The following DLGAP1 variants were observed in gnomAD, a reference collection of about 807,000 sequenced individuals.
The protein encoded by DLGAP1 is disks large-associated protein 1.
DLGAP1 carries 11 observed loss-of-function variants against 90.8 expected under a neutral mutation model. The ratio of observed to expected loss-of-function variants is 0.12; its 90% CI spans 0.08 to 0.20. DLGAP1 has a LOEUF of 0.20. Among genes scored for constraint, DLGAP1 ranks in the 10% least tolerant of loss-of-function variants. The pLI, the probability that DLGAP1 is intolerant of heterozygous loss-of-function variation, is 1.00. For synonymous variants in DLGAP1, 558 were observed against 540.7 expected (o/e 1.03, Z -0.44); for missense variants, 1,050 against 1,333.8 (o/e 0.79, Z 3.31).
chr18:4,315,933 T>C (rs2080514468), intron 1 of DLGAP1, among the ~76,000 whole-genome samples: 2 of 152,212 alleles, frequency 1.3e-5, no homozygotes, highest in African/African-American at 4.8e-5. Context: ...AAGGAGTTCA[T>C]AGGACGGTTG....
At chr18:4,364,025 G>T (rs1348955248) in intron 1 of DLGAP1, among the ~76,000 whole-genome samples, 1 of 151,792 alleles carries the variant, frequency 6.6e-6, no homozygotes, top group South Asian at 2.1e-4. Context: ...AACAATGATA[G>T]ACTGGATTAA....
chr18:4,235,488 T>A (rs1235577219), intron 1 of DLGAP1, among the ~76,000 whole-genome samples: 1 of 152,070 alleles, frequency 6.6e-6, no homozygotes, highest in Non-Finnish European at 1.5e-5. Context: ...TCCATGAAAT[T>A]ATCTAAGCTT....
At chr18:4,323,240 T>G (rs2080739643) in intron 1 of DLGAP1, among the ~76,000 whole-genome samples, 1 of 152,142 alleles carries the variant, frequency 6.6e-6, no homozygotes, top group African/African-American at 2.4e-5. Flanking sequence ...TACAGTGAGA[T>G]ATCACCTTAT....
intron 8 of DLGAP1, among the ~76,000 whole-genome samples, chr18:3,570,793 A>C (rs79054806): frequency 0.011 from 1,735 of 151,954 alleles, 28 homozygotes; most frequent in African/African-American, 0.04. Context: ...ATAGCTGGGC[A>C]TAGTGGCATG....
chr18:4,304,822 T>C (rs2080209922), intron 1 of DLGAP1, among the ~76,000 whole-genome samples: 1 of 152,026 alleles, frequency 6.6e-6, no homozygotes, highest in African/African-American at 2.4e-5. Flanking sequence ...TCCCAGCTAC[T>C]TGGGAGGCTG....
At chr18:3,700,158 C>T (rs1159897304) in intron 7 of DLGAP1, among the ~76,000 whole-genome samples, 1 of 152,170 alleles carries the variant, frequency 6.6e-6, no homozygotes, top group Non-Finnish European at 1.5e-5. Flanking sequence ...GTGTTCCAGG[C>T]ACCACTGGGG....
intron 9 of DLGAP1, among the ~76,000 whole-genome samples, chr18:3,550,733 C>A (rs1003679487): frequency 8.0e-6 from 1 of 124,242 alleles, no homozygotes; most frequent in South Asian, 2.7e-4. Flanking sequence ...AGAACCAGAC[C>A]CTTTTTTTTT....
intron 7 of DLGAP1, among the ~76,000 whole-genome samples, chr18:3,724,028 G>A (rs1184009670): frequency 6.6e-6 from 1 of 152,152 alleles, no homozygotes; most frequent in Non-Finnish European, 1.5e-5. Context: ...CCTCTAATAA[G>A]AGAATTAGAG....
At chr18:4,404,588 T>C (rs1374291044) in intron 1 of DLGAP1, among the ~76,000 whole-genome samples, 1 of 152,214 alleles carries the variant, frequency 6.6e-6, no homozygotes, top group African/African-American at 2.4e-5. Context: ...TACTGGGAAA[T>C]AGCTTTGAGG....
intron 1 of DLGAP1, among the ~76,000 whole-genome samples, chr18:4,287,792 T>C (rs752444209): frequency 6.6e-5 from 10 of 151,948 alleles, no homozygotes; most frequent in Non-Finnish European, 1.3e-4. Context: ...ATGGCACATG[T>C]ATACCTATGT....
chr18:3,989,515 T>C (rs1028773357), intron 3 of DLGAP1, among the ~76,000 whole-genome samples: 1 of 152,232 alleles, frequency 6.6e-6, no homozygotes, highest in Non-Finnish European at 1.5e-5. Flanking sequence ...AAACAGGATG[T>C]GTAGCTTGAA....
At chr18:3,516,290 G>A (rs2050842850) in intron 10 of DLGAP1, among the ~76,000 whole-genome samples, 1 of 151,568 alleles carries the variant, frequency 6.6e-6, no homozygotes, top group Admixed American at 6.6e-5. Flanking sequence ...ATGGGGTACA[G>A]GAGATGTTTT....
chr18:3,605,935 A>G (rs566890914), intron 7 of DLGAP1, among the ~76,000 whole-genome samples: 1 of 152,338 alleles, frequency 6.6e-6, no homozygotes, highest in South Asian at 2.1e-4. Flanking sequence ...AGAATTCATG[A>G]AGAAATAGGA....
intron 7 of DLGAP1, among the ~76,000 whole-genome samples, chr18:3,643,117 GGAA>G (rs1567886312): frequency 3.3e-5 from 5 of 152,172 alleles, no homozygotes; most frequent in African/African-American, 1.2e-4. Context: ...TAGCAAAGAA[GGAA>G]GAAGATTTTA....
At chr18:4,230,374 T>G (rs1607968) in intron 1 of DLGAP1, among the ~76,000 whole-genome samples, 5,503 of 152,064 alleles carry the variant, frequency 0.036, 321 homozygotes, top group African/African-American at 0.12. Context: ...AATAGACAAA[T>G]TTTGGAAACA....
chr18:4,163,072 A>C (rs1423019093), intron 1 of DLGAP1, among the ~76,000 whole-genome samples: 1 of 152,186 alleles, frequency 6.6e-6, no homozygotes, highest in Non-Finnish European at 1.5e-5. Flanking sequence ...GCCAGCACTA[A>C]GACATCTTTA....
chr18:4,160,046 A>G (rs939796846), intron 1 of DLGAP1, among the ~76,000 whole-genome samples: 1 of 152,240 alleles, frequency 6.6e-6, no homozygotes, highest in Non-Finnish European at 1.5e-5. Context: ...GTGATATCAC[A>G]ACTGTTGTCT....
chr18:3,767,643 T>G (rs1429591777), intron 5 of DLGAP1, among the ~76,000 whole-genome samples: 1 of 152,072 alleles, frequency 6.6e-6, no homozygotes, highest in Admixed American at 6.5e-5. Context: ...AATCTATTGA[T>G]ACCATATTAA....
chr18:3,825,329 C>A (rs1429118914), intron 4 of DLGAP1, among the ~76,000 whole-genome samples: 1 of 152,218 alleles, frequency 6.6e-6, no homozygotes, highest in Non-Finnish European at 1.5e-5. Context: ...TGAGTATATA[C>A]AGTCATCCTA....
Sources: allele counts gnomAD v4.1 joint callset (sites outside exome capture counted in the v4.1 genomes callset), GRCh38; gene constraint gnomAD v4.1.1; transcripts MANE v1.5; gene names NCBI Gene and HGNC (gene_info 2026-07-23, HGNC 2026-07-21).